The following PDLIM3 variants were observed in gnomAD, a reference collection of about 807,000 sequenced individuals.
PDLIM3 encodes PDZ and LIM domain 3, also known as PDZ and LIM domain protein 3.
PDLIM3 carries 36 observed loss-of-function variants against 37.3 expected under a neutral mutation model. The observed-to-expected ratio is 0.97, with a 90% CI of 0.74 to 1.28. The LOEUF is 1.28. PDLIM3 is among the 50% of genes most tolerant of loss of function. The pLI is 0.00. For missense variants in PDLIM3, 454 were observed against 485.0 expected, an observed-to-expected ratio of 0.94 and a Z score of 0.60; for synonymous variants, 174 against 182.4, an observed-to-expected ratio of 0.95 and a Z score of 0.37.
chr4:185,514,963 T>A lies in PDLIM3; in HGVS notation c.331-626A>T. On this transcript the variant is annotated intron_variant, in intron 3 of 7. Coordinates refer to ENST00000284767, the MANE Select transcript of PDLIM3 (RefSeq NM_014476.6). The surrounding 1 kb of genome is among the most constrained non-coding windows in gnomAD (Gnocchi z 4.0). ...CCATTAGTGAGCGAAACCAACAGCA[T>A]CACTACTGTTAATAAAGGCATCTTT... 1.7e-6 allele frequency: 2 copies of A among 1,193,030 alleles called. No individual in the cohort carries two copies. The highest frequency in any genetic ancestry group is 2.3e-6 in the Non-Finnish European group (2 of 859,056). The allele number at this position is 1,193,030 out of a possible 1,614,324, so 73.9% of individuals were successfully genotyped here.
At position 185,501,872 on chromosome 4, in the gene PDLIM3, T is replaced by C; in HGVS notation, c.*422A>G. Reference sequence around the variant, plus strand: ...CATGCACTGTAATAGTTAAAACACATACAGACAACTGCAGATTATGTTAGA... The same window carrying C: ...CATGCACTGTAATAGTTAAAACACACACAGACAACTGCAGATTATGTTAGA... On this transcript the variant is annotated 3_prime_UTR_variant, in exon 8 of 8. Transcript: ENST00000284767. 3.6e-6 allele frequency: 1 copy of C among 274,750 alleles called. No individual in the cohort carries two copies. The allele number at this position is 274,750 out of a possible 1,614,324, so 17.0% of individuals were successfully genotyped here.
chr4:185,528,976 G>A (rs917100488), intron 1 of PDLIM3, among the ~76,000 whole-genome samples: 1 of 152,132 alleles, frequency 6.6e-6, no homozygotes, highest in African/African-American at 2.4e-5. Flanking sequence ...AGCATGCACA[G>A]TTTATTACTG....
intron 1 of PDLIM3, among the ~76,000 whole-genome samples, chr4:185,533,880 A>G (rs1261849123): frequency 6.6e-6 from 1 of 152,214 alleles, no homozygotes. Flanking sequence ...ATTTAATATA[A>G]ATATGATTTA....
chr4:185,515,548 A>T (rs1257359207), intron 3 of PDLIM3: 1 of 152,208 alleles, frequency 6.6e-6, no homozygotes, highest in Non-Finnish European at 1.5e-5. Flanking sequence ...CCTTTATTGT[A>T]ATGATTTCAT....
At chr4:185,520,138 T>C (rs1408415854) in intron 3 of PDLIM3, among the ~76,000 whole-genome samples, 1 of 152,256 alleles carries the variant, frequency 6.6e-6, no homozygotes, top group African/African-American at 2.4e-5. Flanking sequence ...TGGTTTACGC[T>C]AAAGGATTTT....
rs144198594 is a variant in PDLIM3 at position 185,534,748 on chromosome 4, T to G, written c.93+594A>C. Among the ~76,000 whole-genome samples, 570 of 152,356 alleles carry G rather than the reference T, an allele frequency of 3.7e-3. 2 individuals are homozygous for G. Among genetic ancestry groups the G allele is most frequent in the Non-Finnish European group, 5.3e-3 (363 of 68,040 alleles). On this transcript the variant is annotated intron_variant, in intron 1 of 7. Coordinates refer to ENST00000284767, the MANE Select transcript of PDLIM3 (RefSeq NM_014476.6). ...AAGTTCTCAGCTTTGGAAAACGTGC[T>G]CAAAATGCCTGGAAACTGAGGAGTG...
At chr4:185,526,917 C>T (rs1285211967) in intron 1 of PDLIM3, among the ~76,000 whole-genome samples, 1 of 152,116 alleles carries the variant, frequency 6.6e-6, no homozygotes, top group African/African-American at 2.4e-5. Context: ...TCTAGTCCTC[C>T]CCTCATCATT....
intron 1 of PDLIM3, among the ~76,000 whole-genome samples, chr4:185,534,932 C>T (rs1024460512): frequency 2.0e-5 from 3 of 152,192 alleles, no homozygotes; most frequent in Non-Finnish European, 4.4e-5. Context: ...GGGTGCCAGT[C>T]CCTCGCCTCT....
chr4:185,505,023 C>G (rs2095694320), intron 6 of PDLIM3, among the ~76,000 whole-genome samples: 1 of 148,370 alleles, frequency 6.7e-6, no homozygotes, highest in South Asian at 2.1e-4. Flanking sequence ...ACCCATGAAA[C>G]AGTAACTCCC....
chr4:185,534,911 G>A (rs1189789178), intron 1 of PDLIM3, among the ~76,000 whole-genome samples: 1 of 152,228 alleles, frequency 6.6e-6, no homozygotes, highest in African/African-American at 2.4e-5. Flanking sequence ...CCAGCTCCAG[G>A]GAATGCCGGG....
rs1157946020 is a variant in PDLIM3 at position 185,521,309 on chromosome 4, A to T, written c.330+2053T>A. Among the ~76,000 whole-genome samples, 13 of 65,294 alleles carry T rather than the reference A, an allele frequency of 2.0e-4. 4 individuals are homozygous for T. Among genetic ancestry groups the T allele is most frequent in the African/African-American group, 3.6e-4 (13 of 36,082 alleles). 42.8% of individuals were successfully genotyped at this position (65,294 alleles called of 152,430 possible). On this transcript the variant is annotated intron_variant, in intron 3 of 7. Coordinates refer to ENST00000284767, the MANE Select transcript of PDLIM3 (RefSeq NM_014476.6). ...CAGATCCCTTCTCATTATATTTATT[A>T]TCTGTGCCATCCATTTTCTTTTGCT...
In PDLIM3 at chr4:185,525,007, A is replaced by T; in HGVS notation, c.245+13T>A. 6.2e-7 allele frequency: 1 copy of T among 1,613,332 alleles called. No individual in the cohort carries two copies. The highest frequency in any genetic ancestry group is 8.5e-7 in the Non-Finnish European group (1 of 1,179,260). On this transcript the variant is annotated intron_variant, in intron 2 of 7. Transcript: ENST00000284767. ...AAACAGATCAGATTTAAGCACCATT[A>T]GTTAAGAAGCACCTGTCAATTTTGA...
Position 185,514,505 on chromosome 4 carries a change from C to A in PDLIM3, c.331-168G>T, listed in dbSNP as rs2095711669. On this transcript the variant is annotated intron_variant, in intron 3 of 7. Transcript: ENST00000284767. The surrounding 1 kb of genome is among the most constrained non-coding windows in gnomAD (Gnocchi z 4.0). ...CGATGTCTTCTTTCCAACCATCTAT[C>A]CGCTAAACGGTCAGGCACTGGCGGA... 6.3e-6 allele frequency: 9 copies of A among 1,429,954 alleles called. No individual in the cohort carries two copies. The highest frequency in any genetic ancestry group is 2.0e-5 in the Admixed American group (1 of 50,628). 88.6% of individuals were successfully genotyped at this position (1,429,954 alleles called of 1,614,324 possible).
chr4:185,506,358 A>G (rs2095697121), intron 6 of PDLIM3, among the ~76,000 whole-genome samples, 164 bp downstream of exon 6: 1 of 152,076 alleles, frequency 6.6e-6, no homozygotes. Flanking sequence ...CCTTTTTTAA[A>G]CGAGGCACCA....
chr4:185,527,744 A>G (rs1423825813), intron 1 of PDLIM3, among the ~76,000 whole-genome samples: 1 of 152,188 alleles, frequency 6.6e-6, no homozygotes, highest in Admixed American at 6.5e-5. Flanking sequence ...AGACTAGAAT[A>G]ATTTTCTTTG....
At chr4:185,502,730 A>C (rs967148949) in intron 7 of PDLIM3, among the ~76,000 whole-genome samples, 2 of 152,140 alleles carry the variant, frequency 1.3e-5, no homozygotes, top group African/African-American at 4.8e-5. Context: ...ATTTTCAAAC[A>C]AGTACTTTAT....
At chr4:185,513,154 G>A in intron 4 of PDLIM3, 1 of 983,360 alleles carries the variant, frequency 1.0e-6, no homozygotes, top group Non-Finnish European at 1.2e-6. Context: ...GGCCCCTGCA[G>A]ACACTGAGCT....
chr4:185,510,235 A>G (rs140729513), intron 4 of PDLIM3, among the ~76,000 whole-genome samples: 60 of 152,324 alleles, frequency 3.9e-4, no homozygotes, highest in African/African-American at 1.4e-3. Context: ...GGGATTTGAA[A>G]CACAGAGTTA....
At chr4:185,520,242 C>T (rs2095721430) in intron 3 of PDLIM3, among the ~76,000 whole-genome samples, 1 of 146,422 alleles carries the variant, frequency 6.8e-6, no homozygotes, top group South Asian at 2.1e-4. Flanking sequence ...GTGCAGAAAT[C>T]TGGCCTAAGA....
Sources: gnomAD v4.1 joint callset for allele counts (sites outside exome capture counted in the v4.1 genomes callset) on GRCh38, gnomAD v4.1.1 for gene constraint, Gnocchi (gnomAD v3.1) non-coding constraint, MANE v1.5 for transcripts, NCBI Gene and HGNC (gene_info 2026-07-23, HGNC 2026-07-21) for gene names.